ROBO1: variants seen among roughly 807,000 people sequenced by gnomAD.
ROBO1 encodes the protein roundabout guidance receptor 1, also known as roundabout homolog 1.
Under a neutral mutation model 195.9 loss-of-function variants are expected in ROBO1, and 149 were observed. That is an observed-to-expected ratio of 0.76 (90% CI 0.67 to 0.87). The LOEUF is 0.87. Among genes scored for constraint, ROBO1 ranks in the 40% least tolerant of loss-of-function variants. ROBO1 has a pLI of 0.00. For synonymous variants in ROBO1, 816 were observed against 733.2 expected (o/e 1.11, Z -1.82); for missense variants, 1,933 against 2,068.3 (o/e 0.93, Z 1.27).
chr3:79,742,716 T>A (rs1349821610), intron 1 of ROBO1, among the ~76,000 whole-genome samples: 2 of 152,220 alleles, frequency 1.3e-5, no homozygotes, highest in Non-Finnish European at 2.9e-5. Flanking sequence ...TAAGAGTTTC[T>A]CTAAGCTTGC....
intron 2 of ROBO1, among the ~76,000 whole-genome samples, chr3:79,560,005 G>T (rs1025623144): frequency 1.2e-4 from 18 of 151,996 alleles, no homozygotes; most frequent in African/African-American, 4.1e-4. Flanking sequence ...CCTCAGATAA[G>T]AATATACTTT....
intron 5 of ROBO1, among the ~76,000 whole-genome samples, chr3:78,737,438 G>C (rs2082417922): frequency 6.6e-6 from 1 of 152,094 alleles, no homozygotes; most frequent in African/African-American, 2.4e-5. Flanking sequence ...ATTACTAATA[G>C]GTATTAAGTG....
chr3:78,810,633 A>G (rs975483022), intron 4 of ROBO1, among the ~76,000 whole-genome samples: 1 of 152,006 alleles, frequency 6.6e-6, no homozygotes, highest in Admixed American at 6.6e-5. Flanking sequence ...ATTGATGTAC[A>G]TTGTTGGTAA....
At chr3:79,589,382 G>C (rs901951094) in intron 2 of ROBO1, among the ~76,000 whole-genome samples, 2 of 151,580 alleles carry the variant, frequency 1.3e-5, no homozygotes, top group Admixed American at 1.3e-4. Flanking sequence ...TTCTTACATT[G>C]TTCAGCCTGT....
chr3:79,061,338 A>G (rs2078913474), intron 3 of ROBO1, among the ~76,000 whole-genome samples: 1 of 152,192 alleles, frequency 6.6e-6, no homozygotes, highest in South Asian at 2.1e-4. Flanking sequence ...ACCACTGCTC[A>G]ACGAAATAAA....
intron 2 of ROBO1, among the ~76,000 whole-genome samples, chr3:79,536,824 T>C (rs897839073): frequency 6.6e-6 from 1 of 152,202 alleles, no homozygotes. Context: ...AAAATTTGAC[T>C]TTGCTCTTAC....
intron 2 of ROBO1, among the ~76,000 whole-genome samples, chr3:79,574,592 A>G (rs1943387934): frequency 6.6e-6 from 1 of 151,904 alleles, no homozygotes; most frequent in South Asian, 2.1e-4. Flanking sequence ...CTTTACTTTT[A>G]CTTTTTATTG....
At chr3:79,290,369 G>A (rs989669083) in intron 2 of ROBO1, among the ~76,000 whole-genome samples, 3 of 151,946 alleles carry the variant, frequency 2.0e-5, no homozygotes, top group Non-Finnish European at 2.9e-5. Context: ...CCTCGTTTAT[G>A]CTTGTGGTCT....
At chr3:78,946,672 A>G (rs1324291843) in intron 3 of ROBO1, among the ~76,000 whole-genome samples, 1 of 152,232 alleles carries the variant, frequency 6.6e-6, no homozygotes, top group Admixed American at 6.5e-5. Flanking sequence ...ACACATAACA[A>G]TATTAACTTT....
intron 2 of ROBO1, among the ~76,000 whole-genome samples, chr3:79,513,271 T>C (rs905401321): frequency 6.6e-5 from 10 of 152,094 alleles, no homozygotes; most frequent in Admixed American, 1.3e-4. Flanking sequence ...CATAGAAAAC[T>C]AGTAGATGAC....
intron 2 of ROBO1, among the ~76,000 whole-genome samples, chr3:79,228,641 G>T (rs1031601998): frequency 6.6e-6 from 1 of 152,078 alleles, no homozygotes; most frequent in African/African-American, 2.4e-5. Context: ...GGGGGCTGAG[G>T]TTTATGTCTG....
intron 14 of ROBO1, among the ~76,000 whole-genome samples, chr3:78,662,355 G>T (rs1021800453): frequency 2.0e-5 from 3 of 152,054 alleles, no homozygotes; most frequent in African/African-American, 7.2e-5. Flanking sequence ...AAGGCAAAAA[G>T]AGCAGGAAGC....
intron 2 of ROBO1, among the ~76,000 whole-genome samples, chr3:79,239,504 T>C (rs2108875124): frequency 6.6e-6 from 1 of 152,322 alleles, no homozygotes; most frequent in African/African-American, 2.4e-5. Flanking sequence ...ACAGCTTTTA[T>C]ATAATTATAG....
chr3:78,944,548 G>A (rs141468416), intron 3 of ROBO1, among the ~76,000 whole-genome samples: 2,777 of 152,280 alleles, frequency 0.018, 96 homozygotes, highest in African/African-American at 0.063. Context: ...CAAGATGGCC[G>A]AATAGGAACA....
chr3:79,242,833 C>G (rs1283043666), intron 2 of ROBO1, among the ~76,000 whole-genome samples: 1 of 152,014 alleles, frequency 6.6e-6, no homozygotes, highest in East Asian at 1.9e-4. Context: ...CTCACTATTT[C>G]TTTCTTTTTT....
chr3:78,640,437 T>C (rs973498949), intron 21 of ROBO1, among the ~76,000 whole-genome samples: 3 of 152,192 alleles, frequency 2.0e-5, no homozygotes, highest in Non-Finnish European at 4.4e-5. Flanking sequence ...TTTACACAGA[T>C]CCTCATCAAT....
chr3:78,721,892 G>T (rs1192756065), intron 5 of ROBO1, among the ~76,000 whole-genome samples: 3 of 152,082 alleles, frequency 2.0e-5, no homozygotes, highest in Non-Finnish European at 4.4e-5. Flanking sequence ...TATGTTGAAA[G>T]AATCTATACA....
At chr3:79,457,965 C>A (rs1020077623) in intron 2 of ROBO1, among the ~76,000 whole-genome samples, 1 of 151,986 alleles carries the variant, frequency 6.6e-6, no homozygotes, top group Non-Finnish European at 1.5e-5. Context: ...GGAGTAATTA[C>A]AAAATTTTAA....
At chr3:79,653,443 T>C (rs1004002349) in intron 1 of ROBO1, among the ~76,000 whole-genome samples, 14 of 151,952 alleles carry the variant, frequency 9.2e-5, no homozygotes, top group African/African-American at 3.4e-4. Context: ...AATAATAAAA[T>C]GTTAATTTGT....
Sources: gnomAD v4.1 joint callset for allele counts (sites outside exome capture counted in the v4.1 genomes callset) on GRCh38, gnomAD v4.1.1 for gene constraint, MANE v1.5 for transcripts, NCBI Gene and HGNC (gene_info 2026-07-23, HGNC 2026-07-21) for gene names.